The following GATC variants were observed in gnomAD, a reference collection of about 807,000 sequenced individuals.
GATC encodes glutamyl-tRNA amidotransferase subunit C, also known as glutamyl-tRNA(Gln) amidotransferase subunit C, mitochondrial.
A neutral mutation model predicts 14.4 loss-of-function variants in GATC; 11 were observed. That is an observed-to-expected ratio of 0.77 (90% CI 0.48 to 1.27). The LOEUF is 1.27. Ranked by LOEUF, GATC falls within the 50% of genes most tolerant of loss-of-function variation. GATC has a pLI of 0.00. For missense variants in GATC, 204 were observed against 183.0 expected (o/e 1.11, Z -0.66); for synonymous variants, 76 against 79.3 (o/e 0.96, Z 0.22).
rs1418509121 is a variant in GATC, at chr12:120,460,835, C to T, written c.*876C>T. The T allele has an allele frequency of 6.6e-6, 1 of 152,036 alleles. No homozygotes were observed. Among genetic ancestry groups the T allele is most frequent in the Non-Finnish European group, 1.5e-5 (1 of 68,044 alleles). 9.4% of individuals were successfully genotyped at this position (152,036 alleles called of 1,614,324 possible). On this transcript the variant is annotated 3_prime_UTR_variant, in exon 4 of 4. Transcript: ENST00000551765. ...CCTGGCTAATGCGGTGAAACCTCAT[C>T]TCTACTAAAAATACAAAAAATTAGC...
chr12:120,459,415 G>T (rs576609810), intron 3 of GATC, among the ~76,000 whole-genome samples: 109 of 152,286 alleles, frequency 7.2e-4, no homozygotes, highest in African/African-American at 2.5e-3. Context: ...ACTGAAAAAG[G>T]TGAATTTGGC....
chr12:120,451,875 C>CTTTTTTTTTTTTTTTTTTTTTTTTT lies in GATC; in HGVS notation c.254+5066_254+5067insTTTTTTTTTTTTTTTTTTTTTTTTT, dbSNP rs1170221029. Among the ~76,000 whole-genome samples, 12 of 90,790 alleles carry CTTTTTTTTTTTTTTTTTTTTTTTTT rather than the reference C, an allele frequency of 1.3e-4. 1 individual carries two copies. The highest frequency in any genetic ancestry group is 4.2e-4 in the African/African-American group (10 of 23,932). The allele number at this position is 90,790 out of a possible 152,430, so 59.6% of individuals were successfully genotyped here. ...CAGGGGCTAATAAATTATATAAATT[C>CTTTTTTTTTTTTTTTTTTTTTTTTT]TTTTTTTTTTTTTTTTTTTTGAGCT... On this transcript the variant is annotated intron_variant, in intron 2 of 3. Coordinates refer to ENST00000551765, the MANE Select transcript of GATC (RefSeq NM_176818.3).
rs751649427 is a variant in GATC at position 120,446,803 on chromosome 12, G to A, written c.228G>A (p.Glu76=). Residue 76 remains glutamate (E), a synonymous_variant, in exon 2 of 4, where the codon GAG becomes GAA. Transcript: ENST00000551765. The part of the protein sequence containing the change: ...RLRAVDTDGV[E]PMESVLEDRC... ...GCGCCGTGGACACAGACGGGGTGGAGCCCATGGAATCGGTCCTGGAGGACA... is the reference window on the plus strand; with the variant it reads ...GCGCCGTGGACACAGACGGGGTGGAACCCATGGAATCGGTCCTGGAGGACA... The A allele has an allele frequency of 1.5e-4, 234 of 1,613,230 alleles. No homozygotes were observed. Among genetic ancestry groups the A allele is most frequent in the South Asian group, 1.4e-3 (129 of 91,024 alleles).
rs1283519494 is a variant in GATC, at chr12:120,459,976, AGG to A, written c.*21_*22del. ...CACAGCTGAGTAGCTCATTCTGGAA[AGG>A]GGGTACTCTGTGAACATGTGGAAGC... is the stretch of plus-strand genomic sequence containing the variant. On this transcript the variant is annotated 3_prime_UTR_variant, in exon 4 of 4. Coordinates refer to ENST00000551765, the MANE Select transcript of GATC (RefSeq NM_176818.3). The A allele has an allele frequency of 5.6e-6, 9 of 1,600,756 alleles. No individual in the cohort carries two copies. In the East Asian group the frequency reaches 1.3e-4, roughly 24 times the overall value.
chr12:120,446,984 T>TC (rs1375282527), intron 2 of GATC, among the ~76,000 whole-genome samples, 155 bp downstream of exon 2: 1 of 151,828 alleles, frequency 6.6e-6, no homozygotes, highest in African/African-American at 2.4e-5. Context: ...GCTTCACTCT[T>TC]CCCCTTGTTC....
rs139465777 is a variant in GATC, at chr12:120,459,151, A to G, written c.359-756A>G. Reference sequence around the variant, plus strand: ...TGGGATTACAGGTGTGAGCCACCGCACCCGGCCGTGAGCTAAACTCTTAAT... The same window carrying G: ...TGGGATTACAGGTGTGAGCCACCGCGCCCGGCCGTGAGCTAAACTCTTAAT... On this transcript the variant is annotated intron_variant, in intron 3 of 3. Coordinates refer to ENST00000551765, the MANE Select transcript of GATC (RefSeq NM_176818.3). 3.6e-3 allele frequency among the ~76,000 whole-genome samples: 551 copies of G among 151,934 alleles called. 6 individuals are homozygous for G. The highest frequency in any genetic ancestry group is 6.3e-3 in the Non-Finnish European group (430 of 67,940).
intron 3 of GATC, 52 bp from the exon 4 acceptor site, chr12:120,459,855 A>G: frequency 6.7e-7 from 1 of 1,489,038 alleles, no homozygotes; most frequent in South Asian, 1.1e-5. Flanking sequence ...ACTCTGTCTC[A>G]AAACAAAAAC....
intron 1 of GATC, 21 bp from the exon 2 acceptor site, chr12:120,446,636 C>T: frequency 1.2e-6 from 2 of 1,602,122 alleles, no homozygotes; most frequent in South Asian, 2.2e-5. Flanking sequence ...ACCCACACTC[C>T]CCGCCTCATC....
At chr12:120,449,488 T>C (rs1877979016) in intron 2 of GATC, among the ~76,000 whole-genome samples, 1 of 151,948 alleles carries the variant, frequency 6.6e-6, no homozygotes, top group Non-Finnish European at 1.5e-5. Flanking sequence ...TCTCACTCTG[T>C]TGCCCACGCT....
At chr12:120,446,892 C>T (rs1877886425) in intron 2 of GATC, 63 bp downstream of exon 2, 5 of 1,471,248 alleles carry the variant, frequency 3.4e-6, no homozygotes, top group East Asian at 2.3e-5. Flanking sequence ...TTTAATGTGA[C>T]GATTAGCGAA....
intron 2 of GATC, among the ~76,000 whole-genome samples, chr12:120,455,765 A>G (rs1287693444): frequency 6.6e-6 from 1 of 151,792 alleles, no homozygotes; most frequent in Non-Finnish European, 1.5e-5. Flanking sequence ...GGCTCACTGC[A>G]AGCTCCGCCT....
chr12:120,455,389 G>C (rs1044688315), intron 2 of GATC, among the ~76,000 whole-genome samples: 5 of 151,866 alleles, frequency 3.3e-5, no homozygotes, highest in Admixed American at 6.6e-5. Context: ...GGCTGGTCTT[G>C]AACTCCTGAA....
In GATC at chr12:120,461,853, C is replaced by G. The variant is rs1214793794; in HGVS notation, c.*1894C>G. ...AATTTCTGCAGTTTAAAATGTTTCA[C>G]TGCTAATATGGCCCTGGTAGAAATT... On this transcript the variant is annotated 3_prime_UTR_variant, in exon 4 of 4. Transcript: ENST00000551765. The G allele has an allele frequency of 2.9e-6, 2 of 678,810 alleles. No individual in the cohort carries two copies. The highest frequency in any genetic ancestry group is 4.4e-6 in the Non-Finnish European group (2 of 456,996). 42.0% of individuals were successfully genotyped at this position (678,810 alleles called of 1,614,324 possible). A position where few individuals can be genotyped will look rare whatever the true frequency, so the allele number is the denominator to read the frequency against.
intron 2 of GATC, chr12:120,450,649 C>A (rs1298166874): frequency 1.3e-5 from 2 of 156,294 alleles, no homozygotes; most frequent in South Asian, 1.8e-4. Flanking sequence ...CTATCTCCTT[C>A]ATTGCAAATT....
intron 2 of GATC, among the ~76,000 whole-genome samples, chr12:120,452,792 T>G (rs1291937501): frequency 2.0e-5 from 3 of 152,014 alleles, no homozygotes; most frequent in African/African-American, 7.2e-5. Flanking sequence ...CCTCCTGAAC[T>G]CAAGTGATCC....
In GATC at chr12:120,449,409, T is replaced by G. The variant is rs148985737; in HGVS notation, c.254+2580T>G. On this transcript the variant is annotated intron_variant, in intron 2 of 3. Transcript: ENST00000551765. ...ATGTCTGTTTTTCCTTATCATGTTC[T>G]CAGTGGTTGGCACTGAGTATTCAGT... is the stretch of plus-strand genomic sequence containing the variant. Among the ~76,000 whole-genome samples, 13 of 152,334 alleles carry G rather than the reference T, an allele frequency of 8.5e-5. No homozygotes were observed. In the South Asian group the frequency reaches 1.4e-3, roughly 17 times the overall value.
intron 2 of GATC, among the ~76,000 whole-genome samples, chr12:120,456,129 CA>C (rs1335107802): frequency 6.6e-6 from 1 of 152,196 alleles, no homozygotes; most frequent in Non-Finnish European, 1.5e-5. Flanking sequence ...TACCGAATAC[CA>C]TATCAGTGAT....
chr12:120,451,075 C>T (rs1434337122), intron 2 of GATC, among the ~76,000 whole-genome samples: 9 of 135,380 alleles, frequency 6.6e-5, no homozygotes, highest in Admixed American at 6.6e-4. Flanking sequence ...AATCAGGAGG[C>T]GGAGGTTGCA....
At chr12:120,448,275 T>C (rs576887499) in intron 2 of GATC, among the ~76,000 whole-genome samples, 21 of 150,786 alleles carry the variant, frequency 1.4e-4, no homozygotes, top group Admixed American at 1.1e-3. Flanking sequence ...CCATATGGTC[T>C]CAAACTCCTG....
Sources: allele counts gnomAD v4.1 joint callset (sites outside exome capture counted in the v4.1 genomes callset), GRCh38; gene constraint gnomAD v4.1.1; transcripts MANE v1.5; gene names NCBI Gene and HGNC (gene_info 2026-07-23, HGNC 2026-07-21).